Variants in SLC4A10 observed in about 807,000 individuals in gnomAD.
SLC4A10 encodes the protein sodium-driven chloride bicarbonate exchanger.
In SLC4A10, 42 loss-of-function variants were observed where a neutral mutation model predicts 137.7. That is an observed-to-expected ratio of 0.30 (90% CI 0.24 to 0.39). SLC4A10 has a LOEUF of 0.39. SLC4A10 is among the 10% of genes least tolerant of loss of function. The pLI is 1.00. For missense variants in SLC4A10, 925 were observed against 1,355.0 expected, an observed-to-expected ratio of 0.68 and a Z score of 4.98; for synonymous variants, 474 against 464.1, an observed-to-expected ratio of 1.02 and a Z score of -0.27.
chr2:161,647,639 T>C (rs1223783636), intron 1 of SLC4A10, among the ~76,000 whole-genome samples: 4 of 152,116 alleles, frequency 2.6e-5, no homozygotes, highest in African/African-American at 4.8e-5. Context: ...CTTGTGTTCT[T>C]AGAGAAAAAA....
chr2:161,726,922 A>G (rs2046297098), intron 1 of SLC4A10, among the ~76,000 whole-genome samples: 2 of 152,158 alleles, frequency 1.3e-5, no homozygotes, highest in Admixed American at 1.3e-4. Flanking sequence ...AAGCAAACAA[A>G]CAAACAAAGA....
intron 1 of SLC4A10, among the ~76,000 whole-genome samples, chr2:161,629,384 A>G (rs2105391760): frequency 6.6e-6 from 1 of 150,556 alleles, no homozygotes; most frequent in East Asian, 2.0e-4. Context: ...TTATGGAATT[A>G]TATGTATATA....
intron 1 of SLC4A10, chr2:161,708,672 T>C: frequency 8.7e-6 from 13 of 1,499,064 alleles, no homozygotes; most frequent in Non-Finnish European, 1.1e-5. Context: ...ACAGATCTGT[T>C]GTTTGATATT....
chr2:161,775,583 A>G (rs1172800362), intron 2 of SLC4A10, among the ~76,000 whole-genome samples: 1 of 151,886 alleles, frequency 6.6e-6, no homozygotes. Context: ...AAAAAACAAT[A>G]TGAAAGAGAA....
Position 161,708,815 on chromosome 2 carries a change from T to G in SLC4A10, c.49-62158T>G, listed in dbSNP as rs16846051. The G allele has an allele frequency of 3.5e-3, 5,403 of 1,532,466 alleles. 167 individuals carry two copies. The African/African-American group carries it at 0.064, about 18-fold the overall frequency. 94.9% of individuals were successfully genotyped at this position (1,532,466 alleles called of 1,614,324 possible). A position where few individuals can be genotyped will look rare whatever the true frequency, so the allele number is the denominator to read the frequency against. ...GTCTGGAACCTGTGAGCCTTTTCAATCTCTAAGTCATCAGGTATGACCTCA... is the reference window on the plus strand; with the variant it reads ...GTCTGGAACCTGTGAGCCTTTTCAAGCTCTAAGTCATCAGGTATGACCTCA... On this transcript the variant is annotated intron_variant, in intron 1 of 26. Coordinates refer to ENST00000446997, the MANE Select transcript of SLC4A10 (RefSeq NM_001178015.2).
chr2:161,716,511 A>C (rs1385197450), intron 1 of SLC4A10, among the ~76,000 whole-genome samples: 1 of 151,874 alleles, frequency 6.6e-6, no homozygotes, highest in Non-Finnish European at 1.5e-5. Context: ...TTTGTAAAAG[A>C]TGTAAGGAAA....
intron 1 of SLC4A10, among the ~76,000 whole-genome samples, chr2:161,745,834 G>A (rs2048335003): frequency 6.6e-6 from 1 of 152,106 alleles, no homozygotes; most frequent in African/African-American, 2.4e-5. Context: ...ACTAAAAGAG[G>A]TACTGCCTTG....
intron 1 of SLC4A10, among the ~76,000 whole-genome samples, chr2:161,651,980 T>C (rs746002683): frequency 5.3e-5 from 8 of 152,238 alleles, no homozygotes; most frequent in Non-Finnish European, 1.0e-4. Context: ...CCAAAGATCC[T>C]GTGACAATAT....
chr2:161,696,281 A>G (rs57601818), intron 1 of SLC4A10, among the ~76,000 whole-genome samples: 4,953 of 151,440 alleles, frequency 0.033, 270 homozygotes, highest in African/African-American at 0.11. Context: ...CATGGTGTAT[A>G]TGTGCCACAT....
rs554528188 is a variant in SLC4A10, at chr2:161,928,494, T to C, written c.1998-14298T>C. Among the ~76,000 whole-genome samples the C allele has an allele frequency of 6.0e-5, 9 of 150,618 alleles. No homozygotes were observed. In the East Asian group the frequency reaches 1.6e-3, roughly 26 times the overall value. On this transcript the variant is annotated intron_variant, in intron 15 of 26. Coordinates refer to ENST00000446997, the MANE Select transcript of SLC4A10 (RefSeq NM_001178015.2). ...ATATGTAACTAACCTGCACATTGTGTACATGTACCCTAAAACTTAAAGTAT... is the reference window on the plus strand; with the variant it reads ...ATATGTAACTAACCTGCACATTGTGCACATGTACCCTAAAACTTAAAGTAT...
intron 1 of SLC4A10, among the ~76,000 whole-genome samples, chr2:161,651,479 A>G (rs962892698): frequency 2.0e-5 from 3 of 152,180 alleles, no homozygotes; most frequent in Admixed American, 6.5e-5. Context: ...CCTGCTTGCC[A>G]TGTTGCAAGT....
At chr2:161,827,994 A>G (rs2058137763) in intron 3 of SLC4A10, among the ~76,000 whole-genome samples, 1 of 152,134 alleles carries the variant, frequency 6.6e-6, no homozygotes, top group Admixed American at 6.5e-5. Flanking sequence ...ATATCAGTAC[A>G]TTGCTTATTC....
chr2:161,780,350 A>C (rs2125468689), intron 2 of SLC4A10, among the ~76,000 whole-genome samples: 1 of 152,152 alleles, frequency 6.6e-6, no homozygotes, highest in East Asian at 1.9e-4. Flanking sequence ...CTCTCATTAT[A>C]GCAGAGTTTT....
At position 161,949,299 on chromosome 2, in the gene SLC4A10, G is replaced by T. The variant is rs777390649; in HGVS notation, c.2379+38G>T. On this transcript the variant is annotated intron_variant, in intron 18 of 26. Coordinates refer to ENST00000446997, the MANE Select transcript of SLC4A10 (RefSeq NM_001178015.2). ...TCTCTCCCTCTTCCCATCTCTCTCG[G>T]TCTAATCTTCATTTAGATGATACCT... is the stretch of plus-strand genomic sequence containing the variant. 3.0e-5 allele frequency: 40 copies of T among 1,337,312 alleles called. 1 individual carries two copies. The South Asian group carries it at 4.4e-4, about 15-fold the overall frequency. 82.8% of individuals were successfully genotyped at this position (1,337,312 alleles called of 1,614,324 possible). A position where few individuals can be genotyped will look rare whatever the true frequency, so the allele number is the denominator to read the frequency against.
At chr2:161,897,794 T>A (rs2063673199) in intron 11 of SLC4A10, among the ~76,000 whole-genome samples, 1 of 152,148 alleles carries the variant, frequency 6.6e-6, no homozygotes, top group Admixed American at 6.6e-5. Context: ...GGCAATATAA[T>A]GCTTCCTGAG....
At chr2:161,923,254 A>G (rs1392927871) in intron 15 of SLC4A10, among the ~76,000 whole-genome samples, 1 of 152,210 alleles carries the variant, frequency 6.6e-6, no homozygotes, top group Non-Finnish European at 1.5e-5. Context: ...TGTATTTTAT[A>G]AAAAGTGTAT....
chr2:161,863,022 T>A lies in SLC4A10; in HGVS notation c.726T>A (p.Ile242=). The change falls in exon 6 of 27, where the codon ATT becomes ATA. Residue 242 remains isoleucine (I), a synonymous_variant. Transcript: ENST00000446997. ...RIPIVRSFAD[I]GKKQSEPNSM... ...CCATTGTTCGTTCCTTTGCTGATAT[T>A]GGCAAGAAACAGTCAGAACCAAATT... The A allele has an allele frequency of 1.2e-6, 2 of 1,613,930 alleles. No individual in the cohort carries two copies. Among genetic ancestry groups the A allele is most frequent in the Non-Finnish European group, 1.7e-6 (2 of 1,179,854 alleles).
At chr2:161,630,729 A>G (rs1161957882) in intron 1 of SLC4A10, among the ~76,000 whole-genome samples, 1 of 151,680 alleles carries the variant, frequency 6.6e-6, no homozygotes, top group Non-Finnish European at 1.5e-5. Flanking sequence ...GTAATAATAG[A>G]TATTGTCTCA....
chr2:161,953,375 C>T (rs562747142), intron 19 of SLC4A10, among the ~76,000 whole-genome samples: 2 of 152,126 alleles, frequency 1.3e-5, no homozygotes, highest in Non-Finnish European at 2.9e-5. Context: ...TTTGGGAGGC[C>T]GAGACAGGTG....
Sources: gnomAD v4.1 joint callset for allele counts (sites outside exome capture counted in the v4.1 genomes callset) on GRCh38, gnomAD v4.1.1 for gene constraint, MANE v1.5 for transcripts, NCBI Gene and HGNC (gene_info 2026-07-23, HGNC 2026-07-21) for gene names.